The following DPP10 variants were observed in gnomAD, a reference collection of about 807,000 sequenced individuals.
The protein encoded by DPP10 is inactive dipeptidyl peptidase 10.
DPP10 carries 33 observed loss-of-function variants against 120.9 expected under a neutral mutation model. That is an observed-to-expected ratio of 0.27 (90% CI 0.21 to 0.37). The LOEUF is 0.37. DPP10 is among the 10% of genes least tolerant of loss of function. DPP10 has a pLI of 1.00. For synonymous variants in DPP10, 337 were observed against 326.1 expected (o/e 1.03, Z -0.36); for missense variants, 816 against 942.8 (o/e 0.87, Z 1.76).
At chr2:115,411,921 TAA>T (rs995385195) in intron 3 of DPP10, among the ~76,000 whole-genome samples, 79 of 152,308 alleles carry the variant, frequency 5.2e-4, no homozygotes, top group African/African-American at 1.5e-3. Context: ...CTTAACAGTG[TAA>T]TTTTTGCTAG....
chr2:114,866,195 G>C (rs950226822), intron 1 of DPP10, among the ~76,000 whole-genome samples: 1 of 151,718 alleles, frequency 6.6e-6, no homozygotes, highest in Non-Finnish European at 1.5e-5. Flanking sequence ...TACAAATCAT[G>C]ATAAGAAAGA....
At chr2:115,377,567 T>C (rs1402048427) in intron 3 of DPP10, among the ~76,000 whole-genome samples, 1 of 152,202 alleles carries the variant, frequency 6.6e-6, no homozygotes, top group African/African-American at 2.4e-5. Flanking sequence ...TTAGATCCCA[T>C]TTGTCAATTT....
intron 1 of DPP10, among the ~76,000 whole-genome samples, chr2:114,850,302 C>A (rs1574338740): frequency 6.6e-6 from 1 of 152,122 alleles, no homozygotes; most frequent in South Asian, 2.1e-4. Context: ...GCTGAAACTA[C>A]AGGTGTGTGC....
intron 3 of DPP10, among the ~76,000 whole-genome samples, chr2:115,408,080 G>A (rs1404184251): frequency 1.3e-5 from 2 of 152,000 alleles, no homozygotes. Context: ...GTATCTCCCA[G>A]TCTCGGTGAC....
chr2:114,823,698 AAGGAAACAGTGTTACC>A (rs1257725123), intron 1 of DPP10, among the ~76,000 whole-genome samples: 1 of 152,228 alleles, frequency 6.6e-6, no homozygotes, highest in Non-Finnish European at 1.5e-5. Flanking sequence ...GGAACAGTGG[AAGGAAACAGTGTTACC>A]AGGGCCATAT....
intron 3 of DPP10, among the ~76,000 whole-genome samples, chr2:115,413,995 G>T (rs1006886433): frequency 1.3e-5 from 2 of 152,030 alleles, no homozygotes; most frequent in Non-Finnish European, 2.9e-5. Flanking sequence ...TCATGTATGT[G>T]TCTGATTCAG....
At chr2:115,400,222 G>A (rs1172175114) in intron 3 of DPP10, among the ~76,000 whole-genome samples, 1 of 152,036 alleles carries the variant, frequency 6.6e-6, no homozygotes, top group Non-Finnish European at 1.5e-5. Context: ...CATGAGATTT[G>A]GGCAGGAACA....
intron 5 of DPP10, 103 bp downstream of exon 5, chr2:115,526,075 G>C: frequency 1.2e-6 from 1 of 834,088 alleles, no homozygotes; most frequent in South Asian, 1.7e-5. Flanking sequence ...AATCTGGCAT[G>C]TCTAGTAACT....
chr2:115,016,870 T>G (rs1295964038), intron 1 of DPP10, among the ~76,000 whole-genome samples: 1 of 152,072 alleles, frequency 6.6e-6, no homozygotes, highest in Non-Finnish European at 1.5e-5. Flanking sequence ...TGGAATACTA[T>G]GCAGCCATAG....
rs549911120 is a variant in DPP10 at position 114,735,694 on chromosome 2, C to A, written c.60+292856C>A. The stretch of plus-strand genomic sequence containing the variant: ...CTTTCATGATCACTTCCAAGAGGAA[C>A]TTTGCAGGCATTTGAGTTGCCAGAC... On this transcript the variant is annotated intron_variant, in intron 1 of 25. Transcript: ENST00000410059. 2.0e-4 allele frequency among the ~76,000 whole-genome samples: 31 copies of A among 152,198 alleles called. 1 individual carries two copies. The Middle Eastern group carries it at 0.017, about 83-fold the overall frequency.
chr2:115,586,050 T>A (rs2082267785), intron 5 of DPP10, among the ~76,000 whole-genome samples: 1 of 152,124 alleles, frequency 6.6e-6, no homozygotes, highest in African/African-American at 2.4e-5. Context: ...AGGCCAGGTG[T>A]GGTGGCTCAC....
At chr2:115,532,027 G>C (rs1448502660) in intron 5 of DPP10, among the ~76,000 whole-genome samples, 3 of 152,016 alleles carry the variant, frequency 2.0e-5, no homozygotes, top group Non-Finnish European at 4.4e-5. Context: ...CCACTCTACT[G>C]TTGATTAGAT....
At chr2:115,253,602 G>A (rs553398578) in intron 1 of DPP10, among the ~76,000 whole-genome samples, 66 of 152,264 alleles carry the variant, frequency 4.3e-4, no homozygotes, top group Non-Finnish European at 7.9e-4. Flanking sequence ...AAAGAAAGGG[G>A]CCCTAGGTCC....
intron 1 of DPP10, among the ~76,000 whole-genome samples, chr2:114,500,852 C>T (rs904452109): frequency 6.6e-6 from 1 of 152,154 alleles, no homozygotes; most frequent in Non-Finnish European, 1.5e-5. Flanking sequence ...AGGCAGGAGT[C>T]CGTCTGGTGC....
chr2:115,622,008 A>T (rs1293145976), intron 5 of DPP10, among the ~76,000 whole-genome samples: 1 of 152,158 alleles, frequency 6.6e-6, no homozygotes, highest in East Asian at 1.9e-4. Flanking sequence ...AGCTTTATTG[A>T]GATATAATTT....
At chr2:114,774,824 T>C (rs1026965110) in intron 1 of DPP10, among the ~76,000 whole-genome samples, 1 of 151,720 alleles carries the variant, frequency 6.6e-6, no homozygotes, top group Non-Finnish European at 1.5e-5. Context: ...AAGCATGAAA[T>C]TCAGTTACGT....
At chr2:114,907,085 A>G (rs543003486) in intron 1 of DPP10, among the ~76,000 whole-genome samples, 55 of 152,092 alleles carry the variant, frequency 3.6e-4, no homozygotes, top group East Asian at 1.5e-3. Flanking sequence ...ATTCCCTTTC[A>G]TATAAGTTAT....
chr2:115,554,086 T>C (rs1321787590), intron 5 of DPP10, among the ~76,000 whole-genome samples: 1 of 151,160 alleles, frequency 6.6e-6, no homozygotes, highest in Non-Finnish European at 1.5e-5. Flanking sequence ...TGAAAAACCC[T>C]ATCTTGCTTT....
At chr2:115,157,022 A>C (rs1203381451) in intron 1 of DPP10, among the ~76,000 whole-genome samples, 1 of 152,186 alleles carries the variant, frequency 6.6e-6, no homozygotes, top group Non-Finnish European at 1.5e-5. Flanking sequence ...AGAGCAAAAT[A>C]AAGAAACACA....
Sources: gnomAD v4.1 joint callset for allele counts (sites outside exome capture counted in the v4.1 genomes callset) on GRCh38, gnomAD v4.1.1 for gene constraint, MANE v1.5 for transcripts, NCBI Gene and HGNC (gene_info 2026-07-23, HGNC 2026-07-21) for gene names.